Variants in ABCA1 observed in about 807,000 individuals in gnomAD.
ABCA1 encodes the protein phospholipid-transporting ATPase ABCA1.
In ABCA1, 133 loss-of-function variants were observed where a neutral mutation model predicts 262.5. The ratio of observed to expected loss-of-function variants is 0.51; its 90% CI spans 0.44 to 0.59. The LOEUF is 0.59. Among genes scored for constraint, ABCA1 ranks in the 20% least tolerant of loss-of-function variants. The probability of loss-of-function intolerance (pLI) is 0.00; values close to 1 mark genes in which losing one functional copy is unlikely to be tolerated. For missense variants in ABCA1, 2,452 were observed against 2,777.5 expected, an observed-to-expected ratio of 0.88 and a Z score of 2.63; for synonymous variants, 1,022 against 1,043.5, an observed-to-expected ratio of 0.98 and a Z score of 0.40.
chr9:104,807,853 C>T (rs796398634), intron 30 of ABCA1, among the ~76,000 whole-genome samples: 66 of 20,314 alleles, frequency 3.2e-3, no homozygotes, highest in Admixed American at 0.02. Flanking sequence ...TATACACACA[C>T]ACACACACAC....
intron 3 of ABCA1, among the ~76,000 whole-genome samples, chr9:104,884,930 AG>A (rs1185299917): frequency 6.6e-6 from 1 of 152,188 alleles, no homozygotes; most frequent in Non-Finnish European, 1.5e-5. Context: ...TACTCTAAGG[AG>A]GTAACTACGG....
chr9:104,916,890 T>C (rs548595573), intron 1 of ABCA1, among the ~76,000 whole-genome samples: 4 of 152,282 alleles, frequency 2.6e-5, no homozygotes, highest in African/African-American at 9.6e-5. Flanking sequence ...GATGACCTTC[T>C]GAGTCTAAGA....
intron 6 of ABCA1, among the ~76,000 whole-genome samples, chr9:104,859,985 C>A (rs1836201433): frequency 6.9e-6 from 1 of 145,548 alleles, no homozygotes; most frequent in Non-Finnish European, 1.5e-5. Context: ...ACCTGGGAGG[C>A]AGAGGTTGTA....
In ABCA1 at chr9:104,793,263, C is replaced by A; in HGVS notation, c.5544G>T (p.Leu1848Phe). The A allele has an allele frequency of 1.9e-6, 3 of 1,614,124 alleles. No homozygotes were observed. Among genetic ancestry groups the A allele is most frequent in the Non-Finnish European group, 2.5e-6 (3 of 1,180,016 alleles). The change falls in exon 41 of 50, where the codon TTG (leucine) becomes TTT (phenylalanine). Residue 1848 changes from leucine (L) to phenylalanine (F), a missense_variant. Leu to Phe is a conservative substitution (Grantham distance 22). Around this residue, in one of 4 missense-constraint regions of ABCA1, gnomAD observed 752 missense variants for 944.5 expected, o/e 0.80. Transcript: ENST00000374736. ...CCATGGCGAAGAGGTTTCGTCCCAC[C>A]AAGTCCCAAGATAATGGTGACACAA... ...NRFVSPLSWD[L>F]VGRNLFAMAV...
At chr9:104,855,745 T>A in intron 7 of ABCA1, 1 of 1,548,754 alleles carries the variant, frequency 6.5e-7, no homozygotes, top group Non-Finnish European at 8.7e-7. Flanking sequence ...GGTAAAATAT[T>A]CAAATGCAAT....
intron 5 of ABCA1, among the ~76,000 whole-genome samples, chr9:104,880,140 G>C (rs991483582): frequency 2.0e-5 from 3 of 152,142 alleles, no homozygotes; most frequent in African/African-American, 7.2e-5. Flanking sequence ...TGTGGTAAAG[G>C]AGGTGAATGA....
At chr9:104,792,954 G>T in intron 41 of ABCA1, 48 bp from the exon 42 acceptor site, 1 of 1,612,434 alleles carries the variant, frequency 6.2e-7, no homozygotes, top group Non-Finnish European at 8.5e-7. Context: ...TATTTTTCAG[G>T]ACAAAGATTC....
chr9:104,882,321 T>A (rs539654142), intron 5 of ABCA1, among the ~76,000 whole-genome samples: 17 of 152,316 alleles, frequency 1.1e-4, no homozygotes, highest in Admixed American at 2.0e-4. Flanking sequence ...CATTATTGCT[T>A]CTACATTCTC....
At chr9:104,862,067 C>CACACACACACAT (rs1564196569) in intron 5 of ABCA1, among the ~76,000 whole-genome samples, 3 of 149,568 alleles carry the variant, frequency 2.0e-5, no homozygotes, top group African/African-American at 7.4e-5. Flanking sequence ...CACACACACA[C>CACACACACACAT]ACACACACAT....
rs1352467979 is a variant in ABCA1 at position 104,831,198 on chromosome 9, A to G, written c.1716-97T>C. ...GCCCAAAACCCTACTACCCTTACCA[A>G]GCCCCTTTTTCTATTTTTGTATCTT... On this transcript the variant is annotated intron_variant, in intron 13 of 49. Transcript: ENST00000374736. 7.1e-6 allele frequency: 8 copies of G among 1,130,708 alleles called. No homozygotes were observed. The East Asian group carries it at 2.1e-4, about 29-fold the overall frequency. The allele number at this position is 1,130,708 out of a possible 1,614,324, so 70.0% of individuals were successfully genotyped here. A position where few individuals can be genotyped will look rare whatever the true frequency, so the allele number is the denominator to read the frequency against.
chr9:104,828,714 C>T lies in ABCA1; in HGVS notation c.2115+202G>A, dbSNP rs367576882. Among the ~76,000 whole-genome samples the T allele has an allele frequency of 4.6e-5, 7 of 152,308 alleles. 1 individual carries two copies. In the South Asian group the frequency reaches 1.2e-3, roughly 27 times the overall value. On this transcript the variant is annotated intron_variant, in intron 15 of 49. Coordinates refer to ENST00000374736, the MANE Select transcript of ABCA1 (RefSeq NM_005502.4). ...ACTCTCATCCTACTTAGCTGCTACCCGGCTGGGTTGACCTTGGGCAAGTCA... is the reference window on the plus strand; with the variant it reads ...ACTCTCATCCTACTTAGCTGCTACCTGGCTGGGTTGACCTTGGGCAAGTCA...
At chr9:104,918,442 C>T (rs1841963399) in intron 1 of ABCA1, among the ~76,000 whole-genome samples, 1 of 152,082 alleles carries the variant, frequency 6.6e-6, no homozygotes, top group African/African-American at 2.4e-5. Flanking sequence ...GCCTTGAATG[C>T]CAAGCAGAAA....
At chr9:104,862,639 C>T (rs533469993) in intron 5 of ABCA1, among the ~76,000 whole-genome samples, 279 of 5,338 alleles carry the variant, frequency 0.052, 19 homozygotes, top group South Asian at 0.14. Context: ...ACTGCCGGGC[C>T]GGGCCGGGCC....
intron 11 of ABCA1, among the ~76,000 whole-genome samples, chr9:104,834,791 G>A (rs1833660012): frequency 7.6e-6 from 1 of 131,792 alleles, no homozygotes; most frequent in African/African-American, 2.7e-5. Context: ...GGTGCCCTGG[G>A]ACCTGTGGGG....
rs538008728 is a variant in ABCA1 at position 104,919,215 on chromosome 9, T to C, written c.-93+8720A>G. ...ATGAGGTATAGTCCAATTCTCCTCC[T>C]AGGATGGGTACTAGCATGCTATTCT... On this transcript the variant is annotated intron_variant, in intron 1 of 49. Transcript: ENST00000374736. Among the ~76,000 whole-genome samples, 4 of 152,258 alleles carry C rather than the reference T, an allele frequency of 2.6e-5. No individual in the cohort carries two copies. In the South Asian group the frequency reaches 8.3e-4, roughly 32 times the overall value.
intron 7 of ABCA1, 27 bp downstream of exon 7, chr9:104,858,495 G>A: frequency 6.2e-7 from 1 of 1,611,518 alleles, no homozygotes; most frequent in Admixed American, 1.7e-5. Flanking sequence ...AGTGCTTGAA[G>A]TTTCTCCAGT....
chr9:104,788,511 T>A lies in ABCA1; in HGVS notation c.5984A>T (p.Asp1995Val). The change falls in exon 45 of 50, where the codon GAT becomes GTT. Residue 1995 changes from aspartate (D) to valine (V), a missense_variant. Asp to Val is a radical substitution (Grantham distance 152). Around this residue, in one of 4 missense-constraint regions of ABCA1, gnomAD observed 752 missense variants for 944.5 expected, o/e 0.80. Coordinates refer to ENST00000374736, the MANE Select transcript of ABCA1 (RefSeq NM_005502.4). Reference protein sequence around the residue: ...HQNMGYCPQFDAITELLTGRE... With the variant: ...HQNMGYCPQFVAITELLTGRE... ...CCCAGTCAACAGCTCTGTGATGGCA[T>A]CAAACTGAGGGCAGTAGCCCATGTT... is the stretch of plus-strand genomic sequence containing the variant. 1 of 1,614,186 alleles carries A rather than the reference T, an allele frequency of 6.2e-7. No individual in the cohort carries two copies. Among genetic ancestry groups the A allele is most frequent in the Non-Finnish European group, 8.5e-7 (1 of 1,180,022 alleles).
chr9:104,846,673 C>T (rs546521338), intron 7 of ABCA1, among the ~76,000 whole-genome samples: 1 of 152,262 alleles, frequency 6.6e-6, no homozygotes, highest in South Asian at 2.1e-4. Context: ...TCTAAGAAAA[C>T]CTGCCTAAAG....
chr9:104,787,671 T>C (rs1251161623), intron 46 of ABCA1: 1 of 180,880 alleles, frequency 5.5e-6, no homozygotes, highest in Non-Finnish European at 1.1e-5. Flanking sequence ...TCAAATCACA[T>C]ATCCAGCCTC....
Sources: allele counts gnomAD v4.1 joint callset (sites outside exome capture counted in the v4.1 genomes callset), GRCh38; gene constraint gnomAD v4.1.1; regional missense constraint gnomAD v4.1.1; transcripts MANE v1.5; gene names NCBI Gene and HGNC (gene_info 2026-07-23, HGNC 2026-07-21).